UBR3: variants seen among roughly 807,000 people sequenced by gnomAD.
UBR3 encodes the protein E3 ubiquitin-protein ligase UBR3.
Under a neutral mutation model 243.2 loss-of-function variants are expected in UBR3, and 85 were observed. That is an observed-to-expected ratio of 0.35 (90% CI 0.29 to 0.42). The LOEUF is 0.42. Among genes scored for constraint, UBR3 ranks in the 10% least tolerant of loss-of-function variants. The pLI is 1.00. For synonymous variants in UBR3, 748 were observed against 799.8 expected (o/e 0.94, Z 1.09); for missense variants, 1,686 against 2,300.8 (o/e 0.73, Z 5.47).
chr2:170,045,858 TTAAAA>T (rs2091071741), intron 32 of UBR3, among the ~76,000 whole-genome samples: 1 of 152,192 alleles, frequency 6.6e-6, no homozygotes, highest in Non-Finnish European at 1.5e-5. Flanking sequence ...ATAAGGATTC[TTAAAA>T]TAATTTTAAA....
chr2:170,028,014 C>T (rs565796969), intron 30 of UBR3, among the ~76,000 whole-genome samples: 116 of 151,700 alleles, frequency 7.6e-4, no homozygotes, highest in African/African-American at 2.6e-3. Context: ...ATGCCTGGCA[C>T]GTAATAAGTA....
chr2:169,890,466 C>T (rs1164112571), intron 5 of UBR3, among the ~76,000 whole-genome samples: 1 of 148,622 alleles, frequency 6.7e-6, no homozygotes, highest in Non-Finnish European at 1.5e-5. Flanking sequence ...TGTGAGTGTC[C>T]ATCCCTTACC....
At chr2:169,985,224 C>CTTTTT (rs71006060) in intron 24 of UBR3, among the ~76,000 whole-genome samples, 28 of 113,090 alleles carry the variant, frequency 2.5e-4, no homozygotes, top group Non-Finnish European at 2.9e-4. Context: ...CAACTCTTTT[C>CTTTTT]TTTTTTTTTT....
intron 31 of UBR3, among the ~76,000 whole-genome samples, chr2:170,030,550 A>G (rs1277296994): frequency 1.3e-5 from 2 of 152,096 alleles, no homozygotes; most frequent in African/African-American, 2.4e-5. Context: ...GATTCCTAAT[A>G]ATATTAACAT....
intron 19 of UBR3, among the ~76,000 whole-genome samples, chr2:169,937,689 C>T (rs139710057): frequency 1.3e-5 from 2 of 152,024 alleles, no homozygotes; most frequent in Non-Finnish European, 2.9e-5. Flanking sequence ...TTCTATTGTT[C>T]AGTCTCTAGC....
intron 11 of UBR3, 58 bp from the exon 12 acceptor site, chr2:169,923,871 C>A: frequency 7.2e-7 from 1 of 1,386,068 alleles, no homozygotes; most frequent in Non-Finnish European, 9.8e-7. Context: ...ATTTTACAAC[C>A]ATCTTAAAAT....
chr2:169,986,663 T>C lies in UBR3; in HGVS notation c.3653T>C (p.Ile1218Thr), dbSNP rs1435831702. The change falls in exon 25 of 39, where the codon ATT (isoleucine) becomes ACT (threonine). Residue 1218 changes from isoleucine (I) to threonine (T), a missense_variant. Around this residue, in one of 8 missense-constraint regions of UBR3, gnomAD observed 156 missense variants for 246.3 expected, o/e 0.63. Coordinates refer to ENST00000272793, the MANE Select transcript of UBR3 (RefSeq NM_172070.4). The part of the protein sequence containing the change: ...AMDVDSPEND[I>T]PMEITTAEPQ... ...CCCTCAGATTCTCCTGAGAATGATA[T>C]TCCTATGGAGATCACCACGGCAGAA... The C allele has an allele frequency of 6.2e-7, 1 of 1,613,568 alleles. No homozygotes were observed. The highest frequency in any genetic ancestry group is 8.5e-7 in the Non-Finnish European group (1 of 1,179,742).
At position 169,868,197 on chromosome 2, in the gene UBR3, A is replaced by G. The variant is rs564722908; in HGVS notation, c.546-4039A>G. ...CCTCATGTATCTCTCAGTTTCAACA[A>G]GTAGCAATTCAGAGCTGCTCTTGGT... On this transcript the variant is annotated intron_variant, in intron 1 of 38. Transcript: ENST00000272793. 9.8e-5 allele frequency among the ~76,000 whole-genome samples: 15 copies of G among 152,324 alleles called. No homozygotes were observed. The South Asian group carries it at 3.1e-3, about 32-fold the overall frequency.
intron 25 of UBR3, among the ~76,000 whole-genome samples, chr2:169,991,786 G>A (rs1574354113): frequency 2.0e-5 from 3 of 152,208 alleles, no homozygotes; most frequent in Admixed American, 2.0e-4. Context: ...GTTTCACTGT[G>A]TTAGCCAGGA....
intron 2 of UBR3, among the ~76,000 whole-genome samples, chr2:169,874,415 C>T (rs556413225): frequency 4.6e-5 from 7 of 152,060 alleles, no homozygotes; most frequent in Admixed American, 6.6e-5. Flanking sequence ...GATGATCCAC[C>T]GCCTTGGCCT....
chr2:169,941,041 G>A (rs887131440), intron 19 of UBR3, among the ~76,000 whole-genome samples: 1 of 152,136 alleles, frequency 6.6e-6, no homozygotes, highest in African/African-American at 2.4e-5. Context: ...CATTGTCATG[G>A]CCTGATGATT....
chr2:169,846,404 A>G (rs559930192), intron 1 of UBR3, among the ~76,000 whole-genome samples: 1 of 152,234 alleles, frequency 6.6e-6, no homozygotes, highest in East Asian at 1.9e-4. Flanking sequence ...CATGGCATGT[A>G]TTTTTAAAAC....
chr2:169,881,931 A>ATG (rs1445569146), intron 5 of UBR3, among the ~76,000 whole-genome samples: 97 of 45,172 alleles, frequency 2.1e-3, no homozygotes, highest in Admixed American at 5.2e-3. Context: ...ACATGTATAC[A>ATG]TATAATATAA....
At chr2:169,852,688 CAAA>C (rs34608160) in intron 1 of UBR3, among the ~76,000 whole-genome samples, 2 of 99,392 alleles carry the variant, frequency 2.0e-5, no homozygotes, top group Non-Finnish European at 2.2e-5. Context: ...ACTAAAAATA[CAAA>C]AAAAAAAAAA....
At chr2:169,980,383 G>T (rs1385839250) in intron 24 of UBR3, among the ~76,000 whole-genome samples, 1 of 152,160 alleles carries the variant, frequency 6.6e-6, no homozygotes, top group Non-Finnish European at 1.5e-5. Flanking sequence ...CAGACACGTA[G>T]TCCCTTCTTT....
intron 36 of UBR3, among the ~76,000 whole-genome samples, chr2:170,076,088 T>C (rs946182257): frequency 2.3e-4 from 35 of 152,298 alleles, no homozygotes; most frequent in African/African-American, 7.7e-4. Flanking sequence ...TTAATTTGCA[T>C]GCTCAAGGTT....
rs377328157 is a variant in UBR3, at chr2:169,922,969, C to T, written c.1867-960C>T. Among the ~76,000 whole-genome samples, 28 of 151,852 alleles carry T rather than the reference C, an allele frequency of 1.8e-4. No homozygotes were observed. In the South Asian group the frequency reaches 4.8e-3, roughly 26 times the overall value. ...ACATTAGCATAATTATCTGAATGTC[C>T]GGGATAAACATTTTTAACAAGAGAA... On this transcript the variant is annotated intron_variant, in intron 11 of 38. Transcript: ENST00000272793.
At chr2:169,847,664 T>C (rs1463735335) in intron 1 of UBR3, among the ~76,000 whole-genome samples, 1 of 152,184 alleles carries the variant, frequency 6.6e-6, no homozygotes, top group Admixed American at 6.5e-5. Context: ...TAAGTTTCTA[T>C]TTTTTCTAGT....
chr2:169,906,741 T>A (rs946612457), intron 10 of UBR3, among the ~76,000 whole-genome samples: 2 of 152,112 alleles, frequency 1.3e-5, no homozygotes, highest in African/African-American at 4.8e-5. Flanking sequence ...AGTAGACATA[T>A]TTTGAAGCCC....
Sources: gnomAD v4.1 joint callset for allele counts (sites outside exome capture counted in the v4.1 genomes callset) on GRCh38, gnomAD v4.1.1 for gene constraint, gnomAD v4.1.1 regional missense constraint, MANE v1.5 for transcripts, NCBI Gene and HGNC (gene_info 2026-07-23, HGNC 2026-07-21) for gene names.